LINGO2: variants seen among roughly 807,000 people sequenced by gnomAD.
The protein encoded by LINGO2 is leucine rich repeat and Ig domain containing 2, also known as leucine-rich repeat and immunoglobulin-like domain-containing nogo receptor-interacting protein 2.
Under a neutral mutation model 30.6 loss-of-function variants are expected in LINGO2, and 14 were observed. That is an observed-to-expected ratio of 0.46 (90% CI 0.30 to 0.72). The LOEUF (loss-of-function observed/expected upper bound fraction) is 0.72, where lower values mean the gene tolerates loss of function less well. LINGO2 is among the 30% of genes least tolerant of loss of function. The pLI, the probability that LINGO2 is intolerant of heterozygous loss-of-function variation, is 0.07. For synonymous variants in LINGO2, 317 were observed against 288.5 expected (o/e 1.10, Z -1.00); for missense variants, 729 against 751.7 (o/e 0.97, Z 0.35).
At chr9:28,962,409 A>G in the LINGO2 span, among the ~76,000 whole-genome samples, 1 of 152,070 alleles carries the variant, frequency 6.6e-6, no homozygotes, top group Non-Finnish European at 1.5e-5. Flanking sequence ...TTATTTTTAT[A>G]TCAAACTTAG....
At chr9:29,121,058 C>A in the LINGO2 span, among the ~76,000 whole-genome samples, 1 of 152,088 alleles carries the variant, frequency 6.6e-6, no homozygotes, top group African/African-American at 2.4e-5. Flanking sequence ...AATATATATC[C>A]TTAATCACTT....
chr9:28,054,806 T>C (rs1369378224), intron 4 of LINGO2, among the ~76,000 whole-genome samples: 1 of 152,148 alleles, frequency 6.6e-6, no homozygotes, highest in African/African-American at 2.4e-5. Context: ...TAATTTTCAA[T>C]ATTTCCTTAA....
At chr9:28,808,500 T>A in the LINGO2 span, among the ~76,000 whole-genome samples, 1 of 152,214 alleles carries the variant, frequency 6.6e-6, no homozygotes. Context: ...GAAACAATTA[T>A]CTGAGGAAAG....
chr9:28,033,592 T>TG (rs1242529197), intron 4 of LINGO2, among the ~76,000 whole-genome samples: 4 of 152,200 alleles, frequency 2.6e-5, no homozygotes, highest in African/African-American at 7.2e-5. Context: ...CATCATGGAC[T>TG]GATGCTTTCT....
the LINGO2 span, among the ~76,000 whole-genome samples, chr9:28,798,380 C>A: frequency 6.6e-6 from 1 of 151,956 alleles, no homozygotes; most frequent in African/African-American, 2.4e-5. Flanking sequence ...GAGAAGTTGA[C>A]CTTAGCTATT....
the LINGO2 span, among the ~76,000 whole-genome samples, chr9:28,971,336 TTGGGGTCCTAGATTCTAG>T: frequency 2.0e-5 from 3 of 152,136 alleles, no homozygotes; most frequent in Admixed American, 6.5e-5. Flanking sequence ...AGCCAGGATG[TTGGGGTCCTAGATTCTAG>T]GACTTGACTC....
the LINGO2 span, among the ~76,000 whole-genome samples, chr9:29,048,361 C>T: frequency 1.3e-5 from 2 of 151,656 alleles, no homozygotes; most frequent in East Asian, 1.9e-4. Context: ...GTTCATGGAT[C>T]GGAAGAAAAA....
At chr9:28,164,742 A>T (rs1240786852) in intron 4 of LINGO2, among the ~76,000 whole-genome samples, 1 of 152,152 alleles carries the variant, frequency 6.6e-6, no homozygotes, top group East Asian at 1.9e-4. Context: ...TGTGGCTAGC[A>T]CTATGTCATC....
intron 1 of LINGO2, among the ~76,000 whole-genome samples, chr9:28,589,212 C>T (rs900201425): frequency 6.6e-6 from 1 of 152,094 alleles, no homozygotes; most frequent in Non-Finnish European, 1.5e-5. Flanking sequence ...TGGACAAAAA[C>T]TGGAAGCATT....
intron 4 of LINGO2, among the ~76,000 whole-genome samples, chr9:28,163,518 T>G (rs1828344548): frequency 6.6e-6 from 1 of 152,118 alleles, no homozygotes; most frequent in Non-Finnish European, 1.5e-5. Context: ...TCTATAGAAC[T>G]TAGAAAGGAA....
At chr9:28,602,251 A>G in intron 1 of LINGO2, among the ~76,000 whole-genome samples, 1 of 152,028 alleles carries the variant, frequency 6.6e-6, no homozygotes, top group East Asian at 1.9e-4. Context: ...GCTTGGGGCC[A>G]TGGGGAGGTT....
chr9:28,189,956 G>C (rs1164130316), intron 4 of LINGO2, among the ~76,000 whole-genome samples: 1 of 152,046 alleles, frequency 6.6e-6, no homozygotes, highest in Non-Finnish European at 1.5e-5. Context: ...ACAAGGGAAA[G>C]AAATTAAGTG....
chr9:28,727,408 C>T, the LINGO2 span, among the ~76,000 whole-genome samples: 1 of 152,042 alleles, frequency 6.6e-6, no homozygotes, highest in Non-Finnish European at 1.5e-5. Context: ...GCCTCAGCCT[C>T]CCGAGTAGCT....
chr9:27,950,215 G>A (rs779519807), exon 6 of LINGO2: 6 of 1,613,988 alleles, frequency 3.7e-6, no homozygotes, highest in Admixed American at 3.3e-5. Context: ...TTCAGGTTAT[G>A]TAGATCTTGG....
chr9:28,886,900 G>A, the LINGO2 span, among the ~76,000 whole-genome samples: 3 of 152,098 alleles, frequency 2.0e-5, no homozygotes, highest in South Asian at 6.2e-4. Flanking sequence ...TATAGAAATA[G>A]TAGTTAGAGC....
At chr9:28,652,555 G>T (rs1456687646) in intron 1 of LINGO2, among the ~76,000 whole-genome samples, 1 of 151,972 alleles carries the variant, frequency 6.6e-6, no homozygotes, top group Non-Finnish European at 1.5e-5. Flanking sequence ...AAGGATTATT[G>T]TTCCCAAATG....
At chr9:28,851,320 G>C in the LINGO2 span, among the ~76,000 whole-genome samples, 1 of 152,002 alleles carries the variant, frequency 6.6e-6, no homozygotes, top group Non-Finnish European at 1.5e-5. Flanking sequence ...TTGACTCATA[G>C]CCTCTTCCTC....
intron 1 of LINGO2, among the ~76,000 whole-genome samples, chr9:28,481,035 A>C (rs1825942945): frequency 6.6e-6 from 1 of 152,016 alleles, no homozygotes; most frequent in Non-Finnish European, 1.5e-5. Flanking sequence ...TTGTCAACTC[A>C]TTATCAAAAG....
intron 4 of LINGO2, among the ~76,000 whole-genome samples, chr9:28,176,756 T>C (rs1177772644): frequency 6.6e-6 from 1 of 152,216 alleles, no homozygotes; most frequent in Non-Finnish European, 1.5e-5. Flanking sequence ...ACTTCTTGAT[T>C]GATGGTTTGA....
Sources: allele counts gnomAD v4.1 joint callset (sites outside exome capture counted in the v4.1 genomes callset), GRCh38; gene constraint gnomAD v4.1.1; transcripts MANE v1.5; gene names NCBI Gene and HGNC (gene_info 2026-07-23, HGNC 2026-07-21).